The following FAM110B variants were observed in gnomAD, a reference collection of about 807,000 sequenced individuals.
FAM110B encodes family with sequence similarity 110 member B.
FAM110B carries 6 observed loss-of-function variants against 20.4 expected under a neutral mutation model. The observed-to-expected ratio is 0.29, with a 90% CI of 0.16 to 0.58. FAM110B has a LOEUF of 0.58. Ranked by LOEUF, FAM110B falls within the 20% of genes least tolerant of loss-of-function variation. The pLI, the probability that FAM110B is intolerant of heterozygous loss-of-function variation, is 0.90. For synonymous variants in FAM110B, 226 were observed against 214.1 expected (o/e 1.06, Z -0.49); for missense variants, 434 against 498.2 (o/e 0.87, Z 1.23).
At chr8:58,063,020 A>G (rs1324454764) in intron 2 of FAM110B, among the ~76,000 whole-genome samples, 1 of 152,190 alleles carries the variant, frequency 6.6e-6, no homozygotes, top group African/African-American at 2.4e-5. Flanking sequence ...TCCTAGCCTA[A>G]TGGTTTGACT....
intron 1 of FAM110B, among the ~76,000 whole-genome samples, chr8:58,027,195 A>G (rs1464116733): frequency 6.6e-6 from 1 of 152,238 alleles, no homozygotes; most frequent in South Asian, 2.1e-4. Flanking sequence ...TTGGAAATCT[A>G]TTGTAAGGTC....
chr8:58,105,247 A>G (rs909128661), intron 3 of FAM110B, among the ~76,000 whole-genome samples: 3 of 152,174 alleles, frequency 2.0e-5, no homozygotes, highest in African/African-American at 4.8e-5. Flanking sequence ...CTACCACTCA[A>G]TATCAGGGTG....
rs992230368 is a variant in FAM110B, at chr8:58,146,932, C to T, written c.702C>T (p.Ala234=). Residue 234 remains alanine, a synonymous_variant, in exon 4 of 4, where the codon GCC becomes GCT. Coordinates refer to ENST00000519262, the MANE Select transcript of FAM110B (RefSeq NM_001377989.1). ...LPPKPKIAAI[A]SMKSPEADPV... ...CCAAGCCCAAAATCGCAGCCATCGC[C>T]TCCATGAAGTCCCCCGAGGCCGACC... is the stretch of plus-strand genomic sequence containing the variant. 6.2e-7 allele frequency: 1 copy of T among 1,614,216 alleles called. No individual in the cohort carries two copies. Among genetic ancestry groups the T allele is most frequent in the Non-Finnish European group, 8.5e-7 (1 of 1,180,046 alleles).
chr8:58,023,300 T>C (rs117719998), intron 1 of FAM110B, among the ~76,000 whole-genome samples: 144 of 152,232 alleles, frequency 9.5e-4, no homozygotes, highest in Non-Finnish European at 1.7e-3. Flanking sequence ...TTTTTGTGAG[T>C]TCCTTACCCC....
chr8:58,145,448 T>C (rs1442961097), intron 3 of FAM110B, among the ~76,000 whole-genome samples: 1 of 152,194 alleles, frequency 6.6e-6, no homozygotes, highest in African/African-American at 2.4e-5. Flanking sequence ...GAAGTTTTGC[T>C]TCATTGCAAA....
chr8:58,115,620 A>G (rs1004581253), intron 3 of FAM110B, among the ~76,000 whole-genome samples: 1 of 152,016 alleles, frequency 6.6e-6, no homozygotes, highest in African/African-American at 2.4e-5. Flanking sequence ...TCTCGAACTC[A>G]TGACATCAGG....
At chr8:58,058,075 A>G (rs1180331121) in intron 2 of FAM110B, among the ~76,000 whole-genome samples, 1 of 152,194 alleles carries the variant, frequency 6.6e-6, no homozygotes. Flanking sequence ...TGTTTTTTAC[A>G]TTCTCTACAG....
At chr8:58,111,987 T>G (rs1348257099) in intron 3 of FAM110B, among the ~76,000 whole-genome samples, 1 of 152,234 alleles carries the variant, frequency 6.6e-6, no homozygotes, top group Admixed American at 6.5e-5. Context: ...TTTTTTGGGT[T>G]GTTTTTAGTA....
At chr8:58,091,557 G>A (rs570299385) in intron 3 of FAM110B, 4 of 152,206 alleles carry the variant, frequency 2.6e-5, no homozygotes, top group Non-Finnish European at 4.4e-5. Flanking sequence ...ACAGCATAAT[G>A]AGATCTGTGG....
chr8:58,047,591 CCTCTCTCTCTCTCTCTCTCT>C (rs56031012), intron 2 of FAM110B, among the ~76,000 whole-genome samples: 16 of 74,754 alleles, frequency 2.1e-4, no homozygotes, highest in African/African-American at 5.0e-4. Flanking sequence ...CTTCCTTTTT[CCTCTCTCTCTCTCTCTCTCT>C]CTCTCTCTCT....
chr8:58,032,117 G>A (rs1320457486), intron 2 of FAM110B: 1 of 152,202 alleles, frequency 6.6e-6, no homozygotes, highest in Non-Finnish European at 1.5e-5. Context: ...ATCCCCACTG[G>A]CCTTGAAATG....
chr8:58,069,416 A>G (rs1302912430), intron 2 of FAM110B, among the ~76,000 whole-genome samples: 1 of 152,214 alleles, frequency 6.6e-6, no homozygotes, highest in Non-Finnish European at 1.5e-5. Flanking sequence ...GCGCTAGGTA[A>G]TGGAGATCCA....
chr8:58,135,617 G>A (rs1190634344), intron 3 of FAM110B, among the ~76,000 whole-genome samples: 1 of 152,118 alleles, frequency 6.6e-6, no homozygotes, highest in Non-Finnish European at 1.5e-5. Flanking sequence ...TTTATCATTT[G>A]TGCTAGATTT....
chr8:58,046,386 T>A (rs1332735062), intron 2 of FAM110B, among the ~76,000 whole-genome samples: 2 of 152,146 alleles, frequency 1.3e-5, no homozygotes, highest in Non-Finnish European at 1.5e-5. Flanking sequence ...TTCTGAAGAG[T>A]GCCCATTTCA....
chr8:58,039,967 T>A (rs184006256), intron 2 of FAM110B, among the ~76,000 whole-genome samples: 13 of 151,970 alleles, frequency 8.6e-5, no homozygotes, highest in African/African-American at 2.7e-4. Context: ...ATATTTAAAA[T>A]TTTTTTAATT....
chr8:58,058,379 T>A (rs2150583992), intron 2 of FAM110B, among the ~76,000 whole-genome samples: 1 of 149,364 alleles, frequency 6.7e-6, no homozygotes, highest in Admixed American at 6.6e-5. Flanking sequence ...ATATAAAGTA[T>A]ATATTAATTT....
chr8:58,003,495 A>G (rs1460149337), intron 1 of FAM110B, among the ~76,000 whole-genome samples: 1 of 152,234 alleles, frequency 6.6e-6, no homozygotes, highest in Non-Finnish European at 1.5e-5. Flanking sequence ...ATCAGTATCT[A>G]TGGCAGCTAT....
chr8:58,067,076 G>A (rs1805783828), intron 2 of FAM110B, among the ~76,000 whole-genome samples: 1 of 152,158 alleles, frequency 6.6e-6, no homozygotes, highest in African/African-American at 2.4e-5. Context: ...CTGGAACCCT[G>A]GCTTTCAACA....
intron 3 of FAM110B, among the ~76,000 whole-genome samples, chr8:58,117,076 T>A (rs57653063): frequency 0.092 from 14,001 of 152,156 alleles, 2,197 homozygotes; most frequent in African/African-American, 0.32. Context: ...TGTGGCAGGT[T>A]TATTTTATAG....
Sources: allele counts gnomAD v4.1 joint callset (sites outside exome capture counted in the v4.1 genomes callset), GRCh38; gene constraint gnomAD v4.1.1; transcripts MANE v1.5; gene names NCBI Gene and HGNC (gene_info 2026-07-23, HGNC 2026-07-21).